Variants in PPP2R5C observed in about 807,000 individuals in gnomAD.
PPP2R5C encodes the protein serine/threonine-protein phosphatase 2A 56 kDa regulatory subunit gamma isoform.
In PPP2R5C, 7 loss-of-function variants were observed where a neutral mutation model predicts 68.9. The ratio of observed to expected loss-of-function variants is 0.10; its 90% CI spans 0.06 to 0.19. The LOEUF is 0.19. Among genes scored for constraint, PPP2R5C ranks in the 10% least tolerant of loss-of-function variants. The pLI, the probability that PPP2R5C is intolerant of heterozygous loss-of-function variation, is 1.00. For missense variants in PPP2R5C, 348 were observed against 641.3 expected (o/e 0.54, Z 4.94); for synonymous variants, 210 against 222.2 (o/e 0.95, Z 0.49).
rs2046601901 is a variant in PPP2R5C at position 101,915,212 on chromosome 14, G to A, written c.1327-2619G>A. 6.6e-6 allele frequency among the ~76,000 whole-genome samples: 1 copy of A among 152,118 alleles called. No homozygotes were observed. Among genetic ancestry groups the A allele is most frequent in the African/African-American group, 2.4e-5 (1 of 41,416 alleles). On this transcript the variant is annotated intron_variant, in intron 12 of 13. Coordinates refer to ENST00000334743, the Ensembl canonical transcript of PPP2R5C. This position sits in a 1 kb window ranked among gnomAD's most constrained non-coding sequence, Gnocchi z 4.2. ...CGGAGTGCCTCAGCCTCCCAAGTAT[G>A]CTGGGACTACAGGTGCACGCCACCA... is the stretch of plus-strand genomic sequence containing the variant.
chr14:101,927,795 A>G (rs1407753311), exon 14 of PPP2R5C: 2 of 152,572 alleles, frequency 1.3e-5, no homozygotes, highest in Admixed American at 6.5e-5. Flanking sequence ...AACTTTATGC[A>G]TTAGTGAAAT....
chr14:101,918,077 C>A, intron 13 of PPP2R5C, 130 bp downstream of exon 15: 1 of 1,300,118 alleles, frequency 7.7e-7, no homozygotes, highest in Non-Finnish European at 1.0e-6. Flanking sequence ...TTTTGCTAGT[C>A]TTATAGGAAA....
intron 3 of PPP2R5C, among the ~76,000 whole-genome samples, chr14:101,792,119 C>CT (rs1231408987): frequency 1.3e-5 from 2 of 152,042 alleles, no homozygotes; most frequent in Non-Finnish European, 2.9e-5. Flanking sequence ...AAATGGAAAC[C>CT]TTTTTTGGCT....
At chr14:101,817,277 T>C (rs974109925) in intron 1 of PPP2R5C, among the ~76,000 whole-genome samples, 1 of 152,094 alleles carries the variant, frequency 6.6e-6, no homozygotes, top group African/African-American at 2.4e-5. Flanking sequence ...TTTTAAAAAA[T>C]AAGGCTGTTT....
At chr14:101,830,250 T>C (rs1408396703) in intron 1 of PPP2R5C, among the ~76,000 whole-genome samples, 2 of 152,258 alleles carry the variant, frequency 1.3e-5, no homozygotes, top group Admixed American at 6.5e-5. Context: ...ACTCATGTTT[T>C]ACAGCCCATA....
At chr14:101,809,552 C>CT (rs5811049), upstream of PPP2R5C, among the ~76,000 whole-genome samples, 3,086 of 92,898 alleles carry the variant, frequency 0.033, 423 homozygotes, top group African/African-American at 0.084. Context: ...TATACACACA[C>CT]TTTTTTTTTT....
At position 101,825,269 on chromosome 14, in the gene PPP2R5C, T is replaced by TA. The variant is rs991581677; in HGVS notation, c.94+15240dup. 4.0e-5 allele frequency among the ~76,000 whole-genome samples: 6 copies of TA among 150,876 alleles called. No individual in the cohort carries two copies. Among genetic ancestry groups the TA allele is most frequent in the African/African-American group, 1.5e-4 (6 of 40,954 alleles). ...GTGTGTTGATGAATTTATTACTTAT[T>TA]AAAAAAATGTAAAGAAGGCATAGCA... On this transcript the variant is annotated intron_variant, in intron 1 of 13. Transcript: ENST00000334743. The surrounding 1 kb of genome is among the most constrained non-coding windows in gnomAD (Gnocchi z 4.0).
chr14:101,772,433 A>G (rs1334349275), intron 2 of PPP2R5C, among the ~76,000 whole-genome samples: 2 of 152,122 alleles, frequency 1.3e-5, no homozygotes, highest in East Asian at 3.8e-4. Flanking sequence ...GTCTTTCTTT[A>G]TAGACATTTT....
In PPP2R5C at chr14:101,828,160, T is replaced by G. The variant is rs76629736; in HGVS notation, c.94+18124T>G. Among the ~76,000 whole-genome samples, 1,399 of 152,286 alleles carry G rather than the reference T, an allele frequency of 9.2e-3. 12 individuals carry two copies. Among genetic ancestry groups the G allele is most frequent in the African/African-American group, 0.032 (1,318 of 41,532 alleles). On this transcript the variant is annotated intron_variant, in intron 1 of 13. Transcript: ENST00000334743. ...TTATGTAACCTCAAAGCCCATTTTTTTATTCTTTTCATGTAAAATGTCCAG... is the reference window on the plus strand; with the variant it reads ...TTATGTAACCTCAAAGCCCATTTTTGTATTCTTTTCATGTAAAATGTCCAG...
chr14:101,926,701 A>T (rs1009444741), exon 14 of PPP2R5C: 7 of 152,324 alleles, frequency 4.6e-5, no homozygotes, highest in African/African-American at 7.2e-5. Context: ...TTATTTTAGG[A>T]TCTGTTTTTT....
At chr14:101,870,503 G>A (rs747034146) in intron 2 of PPP2R5C, among the ~76,000 whole-genome samples, 15 of 152,146 alleles carry the variant, frequency 9.9e-5, no homozygotes, top group Admixed American at 3.3e-4. Context: ...GTCCTGTCGC[G>A]TGTTTGTGTA....
chr14:101,906,609 A>G lies in PPP2R5C; in HGVS notation c.1151+80A>G. The G allele has an allele frequency of 6.9e-7, 1 of 1,458,958 alleles. No individual in the cohort carries two copies. Among genetic ancestry groups the G allele is most frequent in the Non-Finnish European group, 9.2e-7 (1 of 1,082,368 alleles). 90.4% of individuals were successfully genotyped at this position (1,458,958 alleles called of 1,614,324 possible). On this transcript the variant is annotated intron_variant, in intron 10 of 13. Transcript: ENST00000334743. This position sits in a 1 kb window ranked among gnomAD's most constrained non-coding sequence, Gnocchi z 4.0. ...TACTGCTACTTCAGTAAGAATAAATATCAGAATTTTAAATATCAATTAAAA... is the reference window on the plus strand; with the variant it reads ...TACTGCTACTTCAGTAAGAATAAATGTCAGAATTTTAAATATCAATTAAAA...
Position 101,900,504 on chromosome 14 carries a change from C to G in PPP2R5C, c.853-1215C>G, listed in dbSNP as rs76543273. On this transcript the variant is annotated intron_variant, in intron 8 of 13. Coordinates refer to ENST00000334743, the Ensembl canonical transcript of PPP2R5C. Reference sequence around the variant, plus strand: ...GCTGTGACGAGGCCAAAGAGCTGCTCTAACGCACCGGATTGCACTTGTACA... The same window carrying G: ...GCTGTGACGAGGCCAAAGAGCTGCTGTAACGCACCGGATTGCACTTGTACA... Among the ~76,000 whole-genome samples the G allele has an allele frequency of 3.5e-3, 534 of 152,342 alleles. 7 individuals are homozygous for G. Among genetic ancestry groups the G allele is most frequent in the East Asian group, 0.035 (181 of 5,188 alleles).
intron 3 of PPP2R5C, among the ~76,000 whole-genome samples, chr14:101,803,623 C>T (rs982631465): frequency 2.0e-5 from 3 of 151,916 alleles, no homozygotes; most frequent in African/African-American, 7.3e-5. Context: ...ACTTGGGAGG[C>T]TGAGGCAGCA....
At position 101,925,118 on chromosome 14, in the gene PPP2R5C, C is replaced by T. The variant is rs368963511; in HGVS notation, c.1444-23C>T. The T allele has an allele frequency of 3.2e-5, 51 of 1,612,932 alleles. No homozygotes were observed. The African/African-American group carries it at 5.5e-4, about 17-fold the overall frequency. ...TTCAGATAGCTTAGTTTGTAGCCAA[C>T]GCCATTGCATTTCTAATTCCAGGCA... On this transcript the variant is annotated intron_variant, in intron 13 of 13. Coordinates refer to ENST00000334743, the Ensembl canonical transcript of PPP2R5C.
At position 101,781,692 on chromosome 14, in the gene PPP2R5C, G is replaced by A. The variant is rs1017970058; in HGVS notation, c.94-4326G>A. ...CCTTTGCCCCGGCCTCCGCTGCCTC[G>A]CCCCGGAGCCCGGAGGAGGGGAGCC... On this transcript the variant is annotated intron_variant, in intron 2 of 14. Transcript: ENST00000328724. This position sits in a 1 kb window ranked among gnomAD's most constrained non-coding sequence, Gnocchi z 6.4. 9.2e-5 allele frequency among the ~76,000 whole-genome samples: 14 copies of A among 152,092 alleles called. No homozygotes were observed. Among genetic ancestry groups the A allele is most frequent in the Admixed American group, 8.5e-4 (13 of 15,292 alleles).
chr14:101,827,516 G>A (rs2040468987), intron 1 of PPP2R5C, among the ~76,000 whole-genome samples: 1 of 152,110 alleles, frequency 6.6e-6, no homozygotes, highest in African/African-American at 2.4e-5. Context: ...AGACAACACT[G>A]ATCTGCTGCC....
At chr14:101,903,583 C>T (rs534535174) in intron 9 of PPP2R5C, among the ~76,000 whole-genome samples, 26 of 152,216 alleles carry the variant, frequency 1.7e-4, no homozygotes, top group Non-Finnish European at 2.6e-4. Flanking sequence ...TTGCGCCCAT[C>T]TTGGCTTCTG....
chr14:101,826,561 A>G (rs1319320379), intron 1 of PPP2R5C, among the ~76,000 whole-genome samples: 1 of 152,144 alleles, frequency 6.6e-6, no homozygotes, highest in African/African-American at 2.4e-5. Flanking sequence ...TAAAATCAGG[A>G]AGTGTGAACT....
Sources: gnomAD v4.1 joint callset for allele counts (sites outside exome capture counted in the v4.1 genomes callset) on GRCh38, gnomAD v4.1.1 for gene constraint, Gnocchi (gnomAD v3.1) non-coding constraint, MANE v1.5 for transcripts, NCBI Gene and HGNC (gene_info 2026-07-23, HGNC 2026-07-21) for gene names.